The following CEP120 variants were observed in gnomAD, a reference collection of about 807,000 sequenced individuals.
CEP120 encodes centrosomal protein of 120 kDa.
In CEP120, 113 loss-of-function variants were observed where a neutral mutation model predicts 126.5. The observed-to-expected ratio is 0.89, with a 90% CI of 0.77 to 1.04. The LOEUF (loss-of-function observed/expected upper bound fraction) is 1.04, where lower values mean the gene tolerates loss of function less well. Among genes scored for constraint, CEP120 ranks in the 50% least tolerant of loss-of-function variants. The probability of loss-of-function intolerance (pLI) is 0.00; values close to 1 mark genes in which losing one functional copy is unlikely to be tolerated. For synonymous variants in CEP120, 400 were observed against 394.3 expected (o/e 1.01, Z -0.17); for missense variants, 1,230 against 1,155.7 (o/e 1.06, Z -0.93).
At chr5:123,422,641 A>ATC in intron 1 of CEP120, 2 of 1,111,540 alleles carry the variant, frequency 1.8e-6, no homozygotes, top group Non-Finnish European at 2.6e-6. Flanking sequence ...CGCGCTTCTC[A>ATC]GGACCACGTT....
At position 123,350,012 on chromosome 5, in the gene CEP120, G is replaced by A. The variant is rs777373534; in HGVS notation, c.2658C>T (p.Ala886=). Residue 886 remains alanine (A), a synonymous_variant, in exon 19 of 20, where the codon GCC becomes GCT. Transcript: ENST00000306467. ...TTTTTACTGTATCTTTTTCCTCAGC[G>A]GCAAGGTAACGTAGTCTCATCTGTT... The part of the protein sequence containing the change: ...ELEQMRLRYL[A]AEEKDTVKTE... 2.1e-5 allele frequency: 34 copies of A among 1,613,318 alleles called. No individual in the cohort carries two copies. The highest frequency in any genetic ancestry group is 4.4e-5 in the South Asian group (4 of 91,038).
In CEP120 at chr5:123,384,973, C is replaced by T. The variant is rs776183973; in HGVS notation, c.1741G>A (p.Val581Met). The change falls in exon 11 of 20, where the codon GTG becomes ATG. Residue 581 changes from valine (V) to methionine (M), a missense_variant. By Grantham distance (21) the Val-to-Met change is conservative. Coordinates refer to ENST00000306467, the MANE Select transcript of CEP120 (RefSeq NM_001375405.1). ...QCWRQTYSES[V>M]PVIAAQGSNN... ...TACCCTTGTGCTGCTATAACAGGCA[C>T]ACTTTCACTGTAAGTTTGACGCCAA... The T allele has an allele frequency of 1.2e-6, 2 of 1,611,024 alleles. No individual in the cohort carries two copies. Among genetic ancestry groups the T allele is most frequent in the Middle Eastern group, 1.7e-4 (1 of 6,036 alleles).
intron 14 of CEP120, among the ~76,000 whole-genome samples, chr5:123,381,612 A>G (rs1562037877): frequency 6.6e-6 from 1 of 152,242 alleles, no homozygotes. Context: ...TTATTTCATA[A>G]TTCTTAAAAA....
intron 15 of CEP120, among the ~76,000 whole-genome samples, chr5:123,377,962 TAATATATA>T (rs1771354210): frequency 6.6e-6 from 1 of 152,126 alleles, no homozygotes; most frequent in South Asian, 2.1e-4. Flanking sequence ...GACCTATTCT[TAATATATA>T]AGATATGCTG....
chr5:123,352,176 C>A (rs1385813191), intron 18 of CEP120, among the ~76,000 whole-genome samples: 1 of 152,052 alleles, frequency 6.6e-6, no homozygotes, highest in African/African-American at 2.4e-5. Context: ...TTTATAAATA[C>A]TGGATAAGCC....
Position 123,423,302 on chromosome 5 carries a change from C to A in CEP120, c.-304G>T. 6 of 400,468 alleles carry A rather than the reference C, an allele frequency of 1.5e-5. No individual in the cohort carries two copies. The highest frequency in any genetic ancestry group is 4.3e-5 in the Admixed American group (1 of 23,410). 24.8% of individuals were successfully genotyped at this position (400,468 alleles called of 1,614,324 possible). A position where few individuals can be genotyped will look rare whatever the true frequency, so the allele number is the denominator to read the frequency against. ...GGACCTTTTGCCGCCTGCGTAGCCG[C>A]TTTTCAAACGCCCGGGCGGCCGCAG... On this transcript the variant is annotated 5_prime_UTR_variant, in exon 1 of 20. Coordinates refer to ENST00000306467, the MANE Select transcript of CEP120 (RefSeq NM_001375405.1).
At chr5:123,358,377 A>G (rs975949522) in intron 18 of CEP120, 1 of 152,074 alleles carries the variant, frequency 6.6e-6, no homozygotes, top group East Asian at 1.9e-4. Context: ...TGAAATGTAT[A>G]TTTCATTTTA....
Position 123,393,356 on chromosome 5 carries a change from T to C in CEP120, c.754A>G (p.Ile252Val), listed in dbSNP as rs1225065471. Residue 252 changes from isoleucine to valine, a missense_variant, in exon 6 of 20, where the codon ATC becomes GTC. Ile to Val is a conservative substitution (Grantham distance 29, BLOSUM62 3). Coordinates refer to ENST00000306467, the MANE Select transcript of CEP120 (RefSeq NM_001375405.1). ...CGAAGAATTTCTACACTGCTACGGA[T>C]GCGAACTGATGCTCTCTCTGGCTCA... The part of the protein sequence containing the change: ...NFEPERASVR[I>V]RSSVEILRVY... The C allele has an allele frequency of 3.1e-6, 5 of 1,614,028 alleles. No homozygotes were observed. The African/African-American group carries it at 4.0e-5, about 13-fold the overall frequency.
At chr5:123,374,008 A>G (rs926618298) in intron 16 of CEP120, among the ~76,000 whole-genome samples, 2 of 152,088 alleles carry the variant, frequency 1.3e-5, no homozygotes, top group African/African-American at 4.8e-5. Flanking sequence ...AAAAAAATGA[A>G]TAATCCTGAC....
At chr5:123,373,450 A>T (rs2127023613) in intron 16 of CEP120, among the ~76,000 whole-genome samples, 1 of 152,172 alleles carries the variant, frequency 6.6e-6, no homozygotes, top group South Asian at 2.1e-4. Flanking sequence ...TTGAGGACGA[A>T]CAATCAGGAA....
intron 17 of CEP120, among the ~76,000 whole-genome samples, chr5:123,372,062 G>T (rs61279963): frequency 6.6e-6 from 1 of 152,060 alleles, no homozygotes; most frequent in African/African-American, 2.4e-5. Context: ...TAAATGAGAA[G>T]AACATGGCTT....
intron 19 of CEP120, among the ~76,000 whole-genome samples, chr5:123,347,733 C>A (rs545079788): frequency 6.6e-6 from 1 of 152,222 alleles, no homozygotes; most frequent in South Asian, 2.1e-4. Flanking sequence ...GCAGCCTCGA[C>A]CTCCTGGGCT....
At chr5:123,362,048 C>A (rs140175885) in intron 18 of CEP120, among the ~76,000 whole-genome samples, 9 of 151,824 alleles carry the variant, frequency 5.9e-5, no homozygotes, top group African/African-American at 2.2e-4. Context: ...ATTTATGCTG[C>A]TTCTGATGGA....
intron 2 of CEP120, 110 bp downstream of exon 2, chr5:123,418,249 A>G: frequency 9.8e-7 from 1 of 1,015,768 alleles, no homozygotes; most frequent in East Asian, 2.7e-5. Flanking sequence ...ATATTCCAAA[A>G]ATCCGAAAAT....
In CEP120 at chr5:123,416,108, T is replaced by G; in HGVS notation, c.223A>C (p.Ile75Leu). 6.2e-7 allele frequency: 1 copy of G among 1,610,966 alleles called. No individual in the cohort carries two copies. The highest frequency in any genetic ancestry group is 8.5e-7 in the Non-Finnish European group (1 of 1,177,136). Residue 75 changes from isoleucine to leucine, a missense_variant, in exon 3 of 20, where the codon ATC (isoleucine) becomes CTC (leucine). Physicochemically the swap from Ile to Leu is conservative, Grantham distance 5. Coordinates refer to ENST00000306467, the MANE Select transcript of CEP120 (RefSeq NM_001375405.1). ...TCCAAGGCAAAACATTGGAGTTTGA[T>G]AGGAGTACGCTGTAGCCTATAACAA... is the stretch of plus-strand genomic sequence containing the variant. ...LHQHRLQRTP[I>L]KLQCFALDPV...
intron 4 of CEP120, among the ~76,000 whole-genome samples, chr5:123,407,548 C>T (rs6595442): frequency 0.4 from 60,365 of 151,964 alleles, 12,132 homozygotes; most frequent in East Asian, 0.47. Context: ...TAATTTTTAA[C>T]GTGAATGCAC....
At position 123,349,982 on chromosome 5, in the gene CEP120, C is replaced by T. The variant is rs1769095829; in HGVS notation, c.2688G>A (p.Glu896=). ...AAEEKDTVKT[E]RQELLDIRNE... is the part of the protein sequence containing the mutation. ...TTCTTATATCCAACAATTCTTGTCG[C>T]TCGGTTTTTACTGTATCTTTTTCCT... The change falls in exon 19 of 20, where the codon GAG becomes GAA. Residue 896 remains glutamate (E), a synonymous_variant. Transcript: ENST00000306467. 1 of 1,613,670 alleles carries T rather than the reference C, an allele frequency of 6.2e-7. No individual in the cohort carries two copies. Among genetic ancestry groups the T allele is most frequent in the Middle Eastern group, 1.7e-4 (1 of 6,058 alleles).
At chr5:123,395,990 T>C (rs546791681) in intron 5 of CEP120, among the ~76,000 whole-genome samples, 62 of 62,632 alleles carry the variant, frequency 9.9e-4, no homozygotes, top group South Asian at 1.3e-3. Context: ...TCTCCATTCC[T>C]TTTTTTTTTT....
chr5:123,401,880 C>T (rs1773267561), intron 4 of CEP120: 1 of 1,554,404 alleles, frequency 6.4e-7, no homozygotes, highest in Admixed American at 1.7e-5. Flanking sequence ...TTTCTCCTAG[C>T]CCAGAGTCTC....
Sources: gnomAD v4.1 joint callset for allele counts (sites outside exome capture counted in the v4.1 genomes callset) on GRCh38, gnomAD v4.1.1 for gene constraint, MANE v1.5 for transcripts, NCBI Gene and HGNC (gene_info 2026-07-23, HGNC 2026-07-21) for gene names.